Variants in GABRA4 observed in about 807,000 individuals in gnomAD.
GABRA4 encodes gamma-aminobutyric acid type A receptor subunit alpha4, also known as gamma-aminobutyric acid receptor subunit alpha-4.
In GABRA4, 12 loss-of-function variants were observed where a neutral mutation model predicts 49.7. The ratio of observed to expected loss-of-function variants is 0.24; its 90% CI spans 0.15 to 0.39. GABRA4 has a LOEUF of 0.39. Among genes scored for constraint, GABRA4 ranks in the 10% least tolerant of loss-of-function variants. The pLI, the probability that GABRA4 is intolerant of heterozygous loss-of-function variation, is 1.00. For synonymous variants in GABRA4, 288 were observed against 240.2 expected (o/e 1.20, Z -1.84); for missense variants, 506 against 686.0 (o/e 0.74, Z 2.93).
chr4:46,969,640 T>C (rs1042117155), intron 7 of GABRA4, among the ~76,000 whole-genome samples: 1 of 151,510 alleles, frequency 6.6e-6, no homozygotes, highest in African/African-American at 2.4e-5. Flanking sequence ...TAATACGAAC[T>C]AAGTGGTCCA....
In GABRA4 at chr4:46,992,954, C is replaced by T. The variant is rs772460137; in HGVS notation, c.87-8G>A. 12 of 1,399,186 alleles carry T rather than the reference C, an allele frequency of 8.6e-6. No homozygotes were observed. The East Asian group carries it at 2.4e-4, about 28-fold the overall frequency. 86.7% of individuals were successfully genotyped at this position (1,399,186 alleles called of 1,614,324 possible). On this transcript the variant is annotated splice_region_variant and splice_polypyrimidine_tract_variant and intron_variant, in intron 1 of 8. Coordinates refer to ENST00000264318, the MANE Select transcript of GABRA4 (RefSeq NM_000809.4). ...CCTGGGGATTCGTTTAAACTGCAAG[C>T]GAAAAAAAAAAAACCGGGGGCGGAG...
At position 46,929,130 on chromosome 4, in the gene GABRA4, A is replaced by G. The variant is rs146045783; in HGVS notation, c.1135-375T>C. Among the ~76,000 whole-genome samples, 694 of 152,084 alleles carry G rather than the reference A, an allele frequency of 4.6e-3. 6 individuals carry two copies. Among genetic ancestry groups the G allele is most frequent in the African/African-American group, 0.016 (668 of 41,564 alleles). On this transcript the variant is annotated intron_variant, in intron 8 of 8. Transcript: ENST00000264318. The stretch of plus-strand genomic sequence containing the variant: ...AGCTTTATTGCAAATAATATTCTGT[A>G]TATGTCATATACATTTCAAAGTTTT...
Position 46,928,507 on chromosome 4 carries a change from A to C in GABRA4, c.1383T>G (p.Thr461=), listed in dbSNP as rs1721317268. 6.2e-7 allele frequency: 1 copy of C among 1,613,548 alleles called. No homozygotes were observed. Among genetic ancestry groups the C allele is most frequent in the South Asian group, 1.1e-5 (1 of 91,080 alleles). The change falls in exon 9 of 9, where the codon ACT becomes ACG. Residue 461 remains threonine (T), a synonymous_variant. Coordinates refer to ENST00000264318, the MANE Select transcript of GABRA4 (RefSeq NM_000809.4). ...LPSASPTSIR[T]GYMPRKASVG... is the part of the protein sequence containing the mutation. Reference sequence around the variant, plus strand: ...CTGAAGCCTTTCGAGGCATATATCCAGTTCGGATAGAAGTAGGAGAAGCAG... The same window carrying C: ...CTGAAGCCTTTCGAGGCATATATCCCGTTCGGATAGAAGTAGGAGAAGCAG...
At chr4:46,987,004 C>T (rs1028420661) in intron 2 of GABRA4, among the ~76,000 whole-genome samples, 7 of 152,256 alleles carry the variant, frequency 4.6e-5, no homozygotes, top group African/African-American at 1.7e-4. Flanking sequence ...AACCTTGCTG[C>T]ATCTGCCCTT....
chr4:46,930,786 A>G (rs1721400874), intron 8 of GABRA4, among the ~76,000 whole-genome samples: 1 of 151,954 alleles, frequency 6.6e-6, no homozygotes, highest in Non-Finnish European at 1.5e-5. Context: ...AGTAACAGGA[A>G]CTAAGTCTAC....
At chr4:46,988,623 A>G (rs770592292) in intron 2 of GABRA4, among the ~76,000 whole-genome samples, 3 of 152,256 alleles carry the variant, frequency 2.0e-5, no homozygotes, top group Admixed American at 6.5e-5. Context: ...ACCCAAATGC[A>G]TACAATTTTC....
At chr4:46,942,062 C>A (rs957271244) in intron 8 of GABRA4, among the ~76,000 whole-genome samples, 2 of 152,110 alleles carry the variant, frequency 1.3e-5, no homozygotes, top group African/African-American at 4.8e-5. Context: ...GCATAACATA[C>A]TTTTAATTTG....
chr4:46,979,961 G>A lies in GABRA4; in HGVS notation c.206-863C>T, dbSNP rs118002628. On this transcript the variant is annotated intron_variant, in intron 2 of 8. Coordinates refer to ENST00000264318, the MANE Select transcript of GABRA4 (RefSeq NM_000809.4). ...ATGGCTGACACAGATTTTAGACAAGGGAACACAATCTGGGTTTAACACAAT... is the reference window on the plus strand; with the variant it reads ...ATGGCTGACACAGATTTTAGACAAGAGAACACAATCTGGGTTTAACACAAT... Among the ~76,000 whole-genome samples the A allele has an allele frequency of 6.8e-3, 1,031 of 152,146 alleles. 7 individuals are homozygous for A. The highest frequency in any genetic ancestry group is 0.022 in the African/African-American group (908 of 41,524).
At chr4:46,955,642 G>A (rs533870221) in intron 8 of GABRA4, among the ~76,000 whole-genome samples, 1 of 152,056 alleles carries the variant, frequency 6.6e-6, no homozygotes, top group South Asian at 2.1e-4. Context: ...ATGAAGGAAG[G>A]AGCACAGTAT....
rs752317933 is a variant in GABRA4, at chr4:46,974,344, G to T, written c.609C>A (p.Thr203=). Reference sequence around the variant, plus strand: ...CTGATTTCTCAGGACCTTTTGTCCAGGTATAGATCATCTCACTCTTTGGAT... The same window carrying T: ...CTGATTTCTCAGGACCTTTTGTCCATGTATAGATCATCTCACTCTTTGGAT... ...YAYPKSEMIY[T]WTKGPEKSVE... The change falls in exon 6 of 9, where the codon ACC becomes ACA. Residue 203 remains threonine (T), a synonymous_variant. Transcript: ENST00000264318. The T allele has an allele frequency of 2.5e-6, 4 of 1,611,250 alleles. No individual in the cohort carries two copies. In the South Asian group the frequency reaches 3.3e-5, roughly 13 times the overall value.
At chr4:46,941,587 A>G (rs1433385210) in intron 8 of GABRA4, among the ~76,000 whole-genome samples, 2 of 152,134 alleles carry the variant, frequency 1.3e-5, no homozygotes, top group African/African-American at 4.8e-5. Context: ...GTAAAATATT[A>G]CTATAGAATT....
chr4:46,977,371 G>T (rs765269415), intron 4 of GABRA4, 39 bp downstream of exon 4: 14 of 1,136,750 alleles, frequency 1.2e-5, no homozygotes, highest in African/African-American at 9.7e-5. Context: ...AGAAAGAAAA[G>T]AATAAAAAAG....
At chr4:46,981,201 C>A (rs1723345143) in intron 2 of GABRA4, among the ~76,000 whole-genome samples, 1 of 152,094 alleles carries the variant, frequency 6.6e-6, no homozygotes, top group East Asian at 1.9e-4. Context: ...ACACCATGTG[C>A]TATAAAATAT....
chr4:46,959,933 A>C (rs768915221), intron 8 of GABRA4, among the ~76,000 whole-genome samples: 1 of 151,050 alleles, frequency 6.6e-6, no homozygotes, highest in African/African-American at 2.4e-5. Flanking sequence ...TAGTAGCTAC[A>C]TGAGACAGTC....
At chr4:46,950,740 T>TAAATAAATAAATAAAC (rs1722144518) in intron 8 of GABRA4, among the ~76,000 whole-genome samples, 1 of 151,032 alleles carries the variant, frequency 6.6e-6, no homozygotes, top group Admixed American at 6.6e-5. Context: ...AATAAATAAA[T>TAAATAAATAAATAAAC]AAATAAATTA....
intron 8 of GABRA4, among the ~76,000 whole-genome samples, chr4:46,944,362 C>T (rs1302175186): frequency 6.6e-6 from 1 of 152,118 alleles, no homozygotes; most frequent in African/African-American, 2.4e-5. Flanking sequence ...GGCTTGTCCC[C>T]CACATACTTT....
intron 2 of GABRA4, among the ~76,000 whole-genome samples, chr4:46,987,971 C>G (rs1029369118): frequency 6.6e-6 from 1 of 152,084 alleles, no homozygotes; most frequent in Non-Finnish European, 1.5e-5. Context: ...ATATCCCAAC[C>G]AAATCCCATG....
rs930296221 is a variant in GABRA4, at chr4:46,919,859, A to G, written c.*8366T>C. ...ATTTCAAACTACAGACATTCAAAGT[A>G]TTATCGCATAGATACACCTTTGCAT... On this transcript the variant is annotated 3_prime_UTR_variant, in exon 9 of 9. Coordinates refer to ENST00000264318, the MANE Select transcript of GABRA4 (RefSeq NM_000809.4). 8.6e-5 allele frequency: 13 copies of G among 151,718 alleles called. No homozygotes were observed. The highest frequency in any genetic ancestry group is 2.9e-4 in the African/African-American group (12 of 41,436). 9.4% of individuals were successfully genotyped at this position (151,718 alleles called of 1,614,324 possible).
At position 46,977,156 on chromosome 4, in the gene GABRA4, A is replaced by T; in HGVS notation, c.495-13T>A. ...ACTTATGGTGAGTCTATGATGAAAA[A>T]TGCAATTAAATAAAATCAACCCTTT... On this transcript the variant is annotated splice_polypyrimidine_tract_variant and intron_variant, in intron 4 of 8. Coordinates refer to ENST00000264318, the MANE Select transcript of GABRA4 (RefSeq NM_000809.4). The T allele has an allele frequency of 6.5e-7, 1 of 1,537,338 alleles. No homozygotes were observed. The highest frequency in any genetic ancestry group is 8.9e-7 in the Non-Finnish European group (1 of 1,121,596).
Sources: gnomAD v4.1 joint callset for allele counts (sites outside exome capture counted in the v4.1 genomes callset) on GRCh38, gnomAD v4.1.1 for gene constraint, MANE v1.5 for transcripts, NCBI Gene and HGNC (gene_info 2026-07-23, HGNC 2026-07-21) for gene names.